The following TBC1D19 variants were observed in gnomAD, a reference collection of about 807,000 sequenced individuals.
TBC1D19 encodes TBC1 domain family, member 19.
Under a neutral mutation model 89.0 loss-of-function variants are expected in TBC1D19, and 60 were observed. The ratio of observed to expected loss-of-function variants is 0.67; its 90% CI spans 0.55 to 0.84. The LOEUF is 0.84. Ranked by LOEUF, TBC1D19 falls within the 40% of genes least tolerant of loss-of-function variation. The probability of loss-of-function intolerance (pLI) is 0.00; values close to 1 mark genes in which losing one functional copy is unlikely to be tolerated. For synonymous variants in TBC1D19, 189 were observed against 199.7 expected, an observed-to-expected ratio of 0.95 and a Z score of 0.45; for missense variants, 500 against 610.8, an observed-to-expected ratio of 0.82 and a Z score of 1.91.
intron 1 of TBC1D19, chr4:26,585,260 G>A (rs1739342326): frequency 7.3e-6 from 3 of 413,474 alleles, no homozygotes; most frequent in South Asian, 1.8e-5. Flanking sequence ...ATTCCCACAA[G>A]CAATTCTGAG....
At chr4:26,833,787 A>G in the TBC1D19 span, among the ~76,000 whole-genome samples, 1 of 152,330 alleles carries the variant, frequency 6.6e-6, no homozygotes, top group African/African-American at 2.4e-5. Flanking sequence ...GGGTTCACAG[A>G]GATTTACTGA....
chr4:26,585,870 C>T (rs1486290385), intron 1 of TBC1D19, among the ~76,000 whole-genome samples: 1 of 151,890 alleles, frequency 6.6e-6, no homozygotes, highest in Non-Finnish European at 1.5e-5. Context: ...CAGACGTGAG[C>T]CACCACACCC....
At chr4:26,697,726 A>ATTGT (rs1714933507) in intron 13 of TBC1D19, among the ~76,000 whole-genome samples, 1 of 152,172 alleles carries the variant, frequency 6.6e-6, no homozygotes, top group Non-Finnish European at 1.5e-5. Flanking sequence ...TCAATAAACC[A>ATTGT]AATCCAGCAT....
chr4:26,634,702 G>A (rs965097627), intron 4 of TBC1D19, among the ~76,000 whole-genome samples: 3 of 151,984 alleles, frequency 2.0e-5, no homozygotes, highest in Middle Eastern at 3.4e-3. Flanking sequence ...TATACTTTAC[G>A]GTAGGAAATG....
intron 10 of TBC1D19, 121 bp from the exon 11 acceptor site, chr4:26,673,655 G>A: frequency 2.8e-6 from 2 of 704,916 alleles, no homozygotes; most frequent in Non-Finnish European, 5.0e-6. Flanking sequence ...TAAAGATACG[G>A]TGTAATTATG....
intron 13 of TBC1D19, among the ~76,000 whole-genome samples, chr4:26,702,756 G>C (rs1715434251): frequency 6.6e-6 from 1 of 152,114 alleles, no homozygotes; most frequent in Non-Finnish European, 1.5e-5. Context: ...CTTTTTAAGT[G>C]TACAGTATAG....
At chr4:26,735,952 T>G (rs1718020041) in intron 16 of TBC1D19, among the ~76,000 whole-genome samples, 2 of 148,094 alleles carry the variant, frequency 1.4e-5, no homozygotes, top group African/African-American at 2.5e-5. Flanking sequence ...TTGGTGGGAC[T>G]GTAAACTAGT....
chr4:26,684,318 C>T (rs1364068979), intron 12 of TBC1D19, among the ~76,000 whole-genome samples: 1 of 152,160 alleles, frequency 6.6e-6, no homozygotes, highest in Non-Finnish European at 1.5e-5. Flanking sequence ...AAGCCAAGCA[C>T]CAAAGCACTG....
the TBC1D19 span, among the ~76,000 whole-genome samples, chr4:26,833,734 T>C: frequency 2.6e-5 from 4 of 152,236 alleles, no homozygotes; most frequent in African/African-American, 9.6e-5. Context: ...CTGTTGCCTC[T>C]TAGTGGCTAG....
At chr4:26,662,845 A>G (rs1745301001) in intron 8 of TBC1D19, 1 of 152,198 alleles carries the variant, frequency 6.6e-6, no homozygotes. Context: ...ACTGATCTAA[A>G]ATATTTACTC....
rs75650169 is a variant in TBC1D19 at position 26,602,150 on chromosome 4, C to G, written c.100-11019C>G. ...AAATACATTAATTAGAAGTACTTAC[C>G]ATGTGATAGCTCTTGTGCTAGATCT... On this transcript the variant is annotated intron_variant, in intron 1 of 20. Transcript: ENST00000264866. Among the ~76,000 whole-genome samples, 1,500 of 152,222 alleles carry G rather than the reference C, an allele frequency of 9.9e-3. 30 individuals are homozygous for G. Among genetic ancestry groups the G allele is most frequent in the African/African-American group, 0.035 (1,434 of 41,530 alleles).
upstream of TBC1D19, chr4:26,583,852 A>C (rs1172718219): frequency 6.8e-6 from 2 of 295,810 alleles, no homozygotes; most frequent in African/African-American, 2.2e-5. Flanking sequence ...TAAAACGCAC[A>C]ATTCTCCGTG....
At chr4:26,609,663 G>A (rs575415113) in intron 1 of TBC1D19, among the ~76,000 whole-genome samples, 1 of 152,066 alleles carries the variant, frequency 6.6e-6, no homozygotes, top group Non-Finnish European at 1.5e-5. Context: ...GATAAGTTGG[G>A]TCTACATTGT....
At chr4:26,751,747 C>T (rs1718979120) in intron 19 of TBC1D19, among the ~76,000 whole-genome samples, 1 of 152,192 alleles carries the variant, frequency 6.6e-6, no homozygotes, top group African/African-American at 2.4e-5. Flanking sequence ...GCCTGTGCTT[C>T]CCAGTTACTG....
Position 26,604,757 on chromosome 4 carries a change from T to G in TBC1D19, c.100-8412T>G, listed in dbSNP as rs1037637404. The stretch of plus-strand genomic sequence containing the variant: ...TTAGCCGGGCATGGTGGCGGGTGCC[T>G]GTAGTCCTAGCTACTCGGGAGGCTG... On this transcript the variant is annotated intron_variant, in intron 1 of 20. Coordinates refer to ENST00000264866, the MANE Select transcript of TBC1D19 (RefSeq NM_018317.4). Among the ~76,000 whole-genome samples the G allele has an allele frequency of 5.3e-5, 8 of 151,662 alleles. 1 individual carries two copies. The highest frequency in any genetic ancestry group is 1.7e-4 in the African/African-American group (7 of 41,308).
At chr4:26,724,992 A>G (rs1301576158) in intron 15 of TBC1D19, among the ~76,000 whole-genome samples, 4 of 152,210 alleles carry the variant, frequency 2.6e-5, no homozygotes, top group Non-Finnish European at 4.4e-5. Flanking sequence ...TCAGTCCTGA[A>G]AAAGCCCAGA....
At chr4:26,689,356 A>C (rs996008590) in intron 13 of TBC1D19, among the ~76,000 whole-genome samples, 1 of 152,138 alleles carries the variant, frequency 6.6e-6, no homozygotes, top group African/African-American at 2.4e-5. Flanking sequence ...AAGTTGGAGA[A>C]TACAAAAATC....
At chr4:26,754,195 G>A (rs938100347) in intron 20 of TBC1D19, 9 of 255,796 alleles carry the variant, frequency 3.5e-5, no homozygotes, top group African/African-American at 8.7e-5. Context: ...TTTTTTTATC[G>A]TTCATGTCCA....
the TBC1D19 span, among the ~76,000 whole-genome samples, chr4:26,850,428 G>A: frequency 6.6e-6 from 1 of 150,560 alleles, no homozygotes. Flanking sequence ...CACGCCTGTA[G>A]TCCCGGCTAC....
Sources: allele counts gnomAD v4.1 joint callset (sites outside exome capture counted in the v4.1 genomes callset), GRCh38; gene constraint gnomAD v4.1.1; transcripts MANE v1.5; gene names NCBI Gene and HGNC (gene_info 2026-07-23, HGNC 2026-07-21).